Variants in EXOC4 observed in about 807,000 individuals in gnomAD.
The protein encoded by EXOC4 is exocyst complex component 4, also known as SEC8-like 1.
In EXOC4, 71 loss-of-function variants were observed where a neutral mutation model predicts 107.2. The observed-to-expected ratio is 0.66, with a 90% CI of 0.55 to 0.81. EXOC4 has a LOEUF of 0.81. EXOC4 is among the 30% of genes least tolerant of loss of function. The pLI is 0.00. For synonymous variants in EXOC4, 456 were observed against 441.2 expected (o/e 1.03, Z -0.42); for missense variants, 1,108 against 1,189.6 (o/e 0.93, Z 1.01).
chr7:133,542,262 A>G (rs563793882), intron 9 of EXOC4, among the ~76,000 whole-genome samples: 1 of 151,916 alleles, frequency 6.6e-6, no homozygotes, highest in South Asian at 2.1e-4. Context: ...AGGTTCAACA[A>G]AGTATAGACA....
chr7:133,765,363 A>T (rs1796114455), intron 10 of EXOC4, among the ~76,000 whole-genome samples: 1 of 152,074 alleles, frequency 6.6e-6, no homozygotes, highest in Non-Finnish European at 1.5e-5. Flanking sequence ...TGAATAGCTG[A>T]TTCTTTTTGA....
At chr7:133,880,951 T>A (rs1226961433) in intron 11 of EXOC4, among the ~76,000 whole-genome samples, 1 of 152,218 alleles carries the variant, frequency 6.6e-6, no homozygotes, top group African/African-American at 2.4e-5. Context: ...TATTTTTTCT[T>A]TAAGCCTGTT....
chr7:134,010,882 A>C (rs1196783787), intron 17 of EXOC4, among the ~76,000 whole-genome samples: 1 of 152,090 alleles, frequency 6.6e-6, no homozygotes, highest in African/African-American at 2.4e-5. Context: ...TGATTCTTCT[A>C]CTCATAGTAT....
At chr7:134,096,652 C>G in the EXOC4 span, among the ~76,000 whole-genome samples, 1 of 152,104 alleles carries the variant, frequency 6.6e-6, no homozygotes, top group Non-Finnish European at 1.5e-5. Flanking sequence ...CTGGTTAAGT[C>G]CAAGAGTCCA....
At chr7:133,295,255 T>A (rs1029853356) in intron 3 of EXOC4, among the ~76,000 whole-genome samples, 2 of 152,122 alleles carry the variant, frequency 1.3e-5, no homozygotes, top group African/African-American at 4.8e-5. Flanking sequence ...CCCACCTTTT[T>A]TAAAGGTAAA....
intron 12 of EXOC4, among the ~76,000 whole-genome samples, chr7:133,916,188 C>T (rs934454169): frequency 6.6e-6 from 1 of 152,202 alleles, no homozygotes; most frequent in African/African-American, 2.4e-5. Context: ...AGATCCCTCG[C>T]ATGCGCGGTT....
intron 9 of EXOC4, among the ~76,000 whole-genome samples, chr7:133,496,159 G>T (rs554857271): frequency 6.6e-6 from 1 of 151,636 alleles, no homozygotes; most frequent in South Asian, 2.1e-4. Flanking sequence ...GTTGTTGTTG[G>T]TTTTTTTTGA....
chr7:133,731,452 A>C (rs1795323943), intron 10 of EXOC4, among the ~76,000 whole-genome samples: 1 of 152,086 alleles, frequency 6.6e-6, no homozygotes, highest in South Asian at 2.1e-4. Flanking sequence ...TCCATTTGTT[A>C]CTGGGATATG....
intron 11 of EXOC4, among the ~76,000 whole-genome samples, chr7:133,878,416 C>T (rs919055231): frequency 2.0e-5 from 3 of 152,190 alleles, no homozygotes; most frequent in African/African-American, 7.2e-5. Flanking sequence ...CTGATTGCTT[C>T]CTCTATTTCC....
intron 10 of EXOC4, among the ~76,000 whole-genome samples, chr7:133,774,289 T>G (rs1796302779): frequency 6.6e-6 from 1 of 152,094 alleles, no homozygotes; most frequent in South Asian, 2.1e-4. Context: ...TTCACTTGCT[T>G]TCTAAATGAA....
the EXOC4 span, among the ~76,000 whole-genome samples, chr7:134,074,904 G>A: frequency 6.6e-6 from 1 of 152,144 alleles, no homozygotes; most frequent in Non-Finnish European, 1.5e-5. Context: ...AACTTAACTG[G>A]GAAAATGGAA....
chr7:134,013,917 C>T (rs927458222), intron 17 of EXOC4, among the ~76,000 whole-genome samples: 2 of 152,026 alleles, frequency 1.3e-5, no homozygotes, highest in Non-Finnish European at 2.9e-5. Context: ...TATGGAGAAA[C>T]TAGAACCCTC....
intron 12 of EXOC4, among the ~76,000 whole-genome samples, chr7:133,910,147 C>T (rs943085063): frequency 6.6e-6 from 1 of 152,112 alleles, no homozygotes; most frequent in African/African-American, 2.4e-5. Context: ...GTCTCAAACT[C>T]CTGACCTCAG....
chr7:133,859,234 A>G (rs1475016115), intron 11 of EXOC4, among the ~76,000 whole-genome samples: 1 of 152,128 alleles, frequency 6.6e-6, no homozygotes, highest in East Asian at 1.9e-4. Context: ...CTTCAGTGCC[A>G]CCTGGCTCTC....
chr7:133,475,758 T>C (rs893204228), intron 8 of EXOC4, among the ~76,000 whole-genome samples: 3 of 152,154 alleles, frequency 2.0e-5, no homozygotes, highest in African/African-American at 7.2e-5. Flanking sequence ...CAATTGTTTC[T>C]GGGGAATTTT....
chr7:133,312,699 C>T (rs534724091), intron 4 of EXOC4, among the ~76,000 whole-genome samples: 4 of 151,758 alleles, frequency 2.6e-5, no homozygotes, highest in African/African-American at 7.3e-5. Flanking sequence ...GACAGACACT[C>T]ATTTTTAAAT....
intron 15 of EXOC4, among the ~76,000 whole-genome samples, chr7:133,999,610 A>C (rs1794483993): frequency 6.6e-6 from 1 of 152,196 alleles, no homozygotes; most frequent in Admixed American, 6.5e-5. Context: ...AAATATTTGC[A>C]ATAGATGGAA....
intron 9 of EXOC4, among the ~76,000 whole-genome samples, chr7:133,490,531 G>C (rs1799352332): frequency 6.6e-6 from 1 of 152,170 alleles, no homozygotes; most frequent in African/African-American, 2.4e-5. Flanking sequence ...GTAAATGTAT[G>C]AAAGTATGAG....
At chr7:133,729,697 T>C (rs925686730) in intron 10 of EXOC4, among the ~76,000 whole-genome samples, 1 of 152,142 alleles carries the variant, frequency 6.6e-6, no homozygotes, top group African/African-American at 2.4e-5. Context: ...ATTTTATTTT[T>C]AGTTAGTTAT....
Sources: gnomAD v4.1 joint callset for allele counts (sites outside exome capture counted in the v4.1 genomes callset) on GRCh38, gnomAD v4.1.1 for gene constraint, MANE v1.5 for transcripts, NCBI Gene and HGNC (gene_info 2026-07-23, HGNC 2026-07-21) for gene names.